SLC16A3: variants seen among roughly 807,000 people sequenced by gnomAD.
SLC16A3 encodes solute carrier family 16 member 3, also known as monocarboxylate transporter 4.
A neutral mutation model predicts 25.0 loss-of-function variants in SLC16A3; 22 were observed. The ratio of observed to expected loss-of-function variants is 0.88; its 90% CI spans 0.63 to 1.26. SLC16A3 has a LOEUF of 1.26. Among genes scored for constraint, SLC16A3 ranks in the 50% most tolerant of loss-of-function variants. SLC16A3 has a pLI of 0.00. For synonymous variants in SLC16A3, 390 were observed against 309.2 expected (o/e 1.26, Z -2.74); for missense variants, 731 against 666.6 (o/e 1.10, Z -1.06).
chr17:82,237,067 G>T, intron 3 of SLC16A3, 71 bp from the exon 4 acceptor site: 1 of 1,461,330 alleles, frequency 6.8e-7, no homozygotes, highest in Non-Finnish European at 9.1e-7. Context: ...GTGGGAACCT[G>T]GGGGCAGAGA....
intron 1 of SLC16A3, among the ~76,000 whole-genome samples, chr17:82,222,711 G>A (rs2050396571): frequency 6.6e-6 from 1 of 151,304 alleles, no homozygotes; most frequent in African/African-American, 2.4e-5. Context: ...GCTGAGGCAG[G>A]AGAATCACTC....
Position 82,237,307 on chromosome 17 carries a change from C to A in SLC16A3, c.537C>A (p.Gly179=), listed in dbSNP as rs765599502. Reference sequence around the variant, plus strand: ...AGGACCGCTACGGCTGGCGGGGCGGCTTCCTCATCCTGGGCGGCCTGCTGC... The same window carrying A: ...AGGACCGCTACGGCTGGCGGGGCGGATTCCTCATCCTGGGCGGCCTGCTGC... The part of the protein sequence containing the change: ...LLQDRYGWRG[G]FLILGGLLLN... Residue 179 remains glycine, a synonymous_variant, in exon 4 of 5, where the codon GGC becomes GGA. Transcript: ENST00000582743. 1.3e-6 allele frequency: 2 copies of A among 1,550,416 alleles called. No individual in the cohort carries two copies. Among genetic ancestry groups the A allele is most frequent in the South Asian group, 2.4e-5 (2 of 83,922 alleles).
chr17:82,229,820 T>C (rs1421975998), intron 1 of SLC16A3: 1 of 152,312 alleles, frequency 6.6e-6, no homozygotes, highest in Admixed American at 6.5e-5. Flanking sequence ...CCCTGGGTGT[T>C]GGGCCAGTCA....
At chr17:82,231,966 G>A (rs1568534344) in intron 1 of SLC16A3, 2 of 152,336 alleles carry the variant, frequency 1.3e-5, no homozygotes, top group African/African-American at 2.4e-5. Context: ...CGCCTGGGGC[G>A]GGGCTGCCGG....
At chr17:82,227,522 G>A (rs2050430980), upstream of SLC16A3, among the ~76,000 whole-genome samples, 1 of 152,142 alleles carries the variant, frequency 6.6e-6, no homozygotes, top group South Asian at 2.1e-4. Flanking sequence ...GCACCCCTCT[G>A]CTGCTCTCCC....
chr17:82,220,401 C>T (rs2050381907), intron 1 of SLC16A3, among the ~76,000 whole-genome samples: 1 of 152,214 alleles, frequency 6.6e-6, no homozygotes, highest in Non-Finnish European at 1.5e-5. Context: ...GCCTCACAGG[C>T]AGCCCCTGCC....
rs373977034 is a variant in SLC16A3 at position 82,240,022 on chromosome 17, C to T, written c.*1046C>T. ...CTGGGGACGGCAGCGGGTGCCCTGG[C>T]GGGCCGCGTGCAGCCGGAGAGATGC... On this transcript the variant is annotated 3_prime_UTR_variant, in exon 5 of 5. Coordinates refer to ENST00000582743, the MANE Select transcript of SLC16A3 (RefSeq NM_004207.4). The T allele has an allele frequency of 1.4e-4, 169 of 1,233,788 alleles. No individual in the cohort carries two copies. In the African/African-American group the frequency reaches 2.0e-3, roughly 14 times the overall value. 76.4% of individuals were successfully genotyped at this position (1,233,788 alleles called of 1,614,324 possible).
At chr17:82,217,940 C>G (rs986962208) in exon 1 of SLC16A3, among the ~76,000 whole-genome samples, 1 of 152,226 alleles carries the variant, frequency 6.6e-6, no homozygotes, top group Admixed American at 6.5e-5. Flanking sequence ...CCCCACTCCC[C>G]AGGCCCCCGG....
rs554049519 is a variant in SLC16A3 at position 82,239,243 on chromosome 17, C to T, written c.*267C>T. The T allele has an allele frequency of 1.8e-4, 49 of 274,494 alleles. No individual in the cohort carries two copies. The highest frequency in any genetic ancestry group is 1.5e-3 in the East Asian group (25 of 16,604). The allele number at this position is 274,494 out of a possible 1,614,324, so 17.0% of individuals were successfully genotyped here. A position where few individuals can be genotyped will look rare whatever the true frequency, so the allele number is the denominator to read the frequency against. Reference sequence around the variant, plus strand: ...CCGCCTGCTGCTCCCAGGTGGCCTGCGGCCACTGCTATGCTCAAGGACCTG... The same window carrying T: ...CCGCCTGCTGCTCCCAGGTGGCCTGTGGCCACTGCTATGCTCAAGGACCTG... On this transcript the variant is annotated 3_prime_UTR_variant, in exon 5 of 5. Transcript: ENST00000582743.
Position 82,237,683 on chromosome 17 carries a change from A to C in SLC16A3, c.913A>C (p.Asn305His), listed in dbSNP as rs1455458970. 1.2e-6 allele frequency: 2 copies of C among 1,612,732 alleles called. No homozygotes were observed. The highest frequency in any genetic ancestry group is 1.7e-6 in the Non-Finnish European group (2 of 1,179,774). Residue 305 changes from asparagine to histidine, a missense_variant, in exon 4 of 5, where the codon AAC becomes CAC. Physicochemically the swap from Asn to His is moderately conservative, Grantham distance 68 (BLOSUM62 1). Transcript: ENST00000582743. The part of the protein sequence containing the change: ...VYLFSFSMFF[N>H]GLADLAGSTA... Reference sequence around the variant, plus strand: ...CCTCTTCAGCTTCTCCATGTTCTTCAACGGCCTCGCGGACCTGGCGGGTTC... The same window carrying C: ...CCTCTTCAGCTTCTCCATGTTCTTCCACGGCCTCGCGGACCTGGCGGGTTC...
upstream of SLC16A3, among the ~76,000 whole-genome samples, chr17:82,226,039 G>A (rs2050419604): frequency 6.6e-6 from 1 of 151,888 alleles, no homozygotes; most frequent in Non-Finnish European, 1.5e-5. Context: ...CTTGGAAAAG[G>A]TGGGACTGCG....
In SLC16A3 at chr17:82,237,508, C is replaced by G; in HGVS notation, c.738C>G (p.Pro246=). ...TGGTGCTGGGGCTCTTCGTCCCGCC[C>G]GTGTTCGTGGTGAGCTACGCCAAGG... ...SVMVLGLFVP[P]VFVVSYAKDL... Residue 246 remains proline (P), a synonymous_variant, in exon 4 of 5, where the codon CCC becomes CCG. Coordinates refer to ENST00000582743, the MANE Select transcript of SLC16A3 (RefSeq NM_004207.4). 6.2e-7 allele frequency: 1 copy of G among 1,611,530 alleles called. No homozygotes were observed. Among genetic ancestry groups the G allele is most frequent in the African/African-American group, 1.3e-5 (1 of 75,048 alleles).
At position 82,239,881 on chromosome 17, in the gene SLC16A3, C is replaced by G. The variant is rs746517344; in HGVS notation, c.*905C>G. On this transcript the variant is annotated 3_prime_UTR_variant, in exon 5 of 5. Coordinates refer to ENST00000582743, the MANE Select transcript of SLC16A3 (RefSeq NM_004207.4). ...CTGTCCTCCATCCAGCCCGGCCCAG[C>G]GCTTGGGCTTGTCCTGGACACCTAA... 1.4e-6 allele frequency: 1 copy of G among 700,528 alleles called. No homozygotes were observed. Among genetic ancestry groups the G allele is most frequent in the African/African-American group, 1.8e-5 (1 of 54,122 alleles). The allele number at this position is 700,528 out of a possible 1,614,324, so 43.4% of individuals were successfully genotyped here.
At chr17:82,218,423 G>A (rs546651403) in intron 1 of SLC16A3, among the ~76,000 whole-genome samples, 96 of 147,378 alleles carry the variant, frequency 6.5e-4, no homozygotes, top group African/African-American at 2.2e-3. Context: ...CGGTCACTGC[G>A]GGGTGGACGG....
Position 82,236,888 on chromosome 17 carries a change from C to A in SLC16A3, c.367+16C>A. The A allele has an allele frequency of 6.2e-7, 1 of 1,602,454 alleles. No individual in the cohort carries two copies. The highest frequency in any genetic ancestry group is 1.1e-5 in the South Asian group (1 of 90,990). ...GTCATCACGGGTGAGTGGGGCCGGC[C>A]GGTGGGCCGCACGTGCCAGGAGGGG... On this transcript the variant is annotated intron_variant, in intron 3 of 4. Transcript: ENST00000582743.
At chr17:82,227,690 C>CCCGCCCT (rs2050435398), upstream of SLC16A3, among the ~76,000 whole-genome samples, 1 of 149,020 alleles carries the variant, frequency 6.7e-6, no homozygotes, top group African/African-American at 2.5e-5. Flanking sequence ...GGGAGCAGCA[C>CCCGCCCT]GGGCCAACTA....
intron 1 of SLC16A3, among the ~76,000 whole-genome samples, chr17:82,220,820 A>T (rs4503854): frequency 0.76 from 114,797 of 151,398 alleles, 44,179 homozygotes; most frequent in East Asian, 0.93. Flanking sequence ...TAATTAATTT[A>T]ATTTATTTAT....
intron 1 of SLC16A3, among the ~76,000 whole-genome samples, chr17:82,219,977 C>T (rs865896417): frequency 4.1e-4 from 63 of 152,262 alleles, no homozygotes; most frequent in Middle Eastern, 6.8e-3. Context: ...GGCGAAAAAA[C>T]GCACTCCAGG....
At chr17:82,237,956 G>T (rs893602609) in intron 4 of SLC16A3, 63 bp downstream of exon 4, 1 of 1,546,490 alleles carries the variant, frequency 6.5e-7, no homozygotes, top group Non-Finnish European at 8.7e-7. Flanking sequence ...CCCGCTTTGC[G>T]AGGGGGGGGA....
Sources: allele counts gnomAD v4.1 joint callset (sites outside exome capture counted in the v4.1 genomes callset), GRCh38; gene constraint gnomAD v4.1.1; transcripts MANE v1.5; gene names NCBI Gene and HGNC (gene_info 2026-07-23, HGNC 2026-07-21).